Variants in MTUS1 observed in about 807,000 individuals in gnomAD.
MTUS1 encodes microtubule-associated tumor suppressor 1.
Under a neutral mutation model 120.8 loss-of-function variants are expected in MTUS1, and 109 were observed. The ratio of observed to expected loss-of-function variants is 0.90; its 90% CI spans 0.77 to 1.06. MTUS1 has a LOEUF of 1.06. Ranked by LOEUF, MTUS1 falls within the 50% of genes least tolerant of loss-of-function variation. The probability of loss-of-function intolerance (pLI) is 0.00; values close to 1 mark genes in which losing one functional copy is unlikely to be tolerated. For missense variants in MTUS1, 2,210 were observed against 1,486.3 expected, an observed-to-expected ratio of 1.49 and a Z score of -8.01; for synonymous variants, 737 against 550.5, an observed-to-expected ratio of 1.34 and a Z score of -4.74.
chr8:17,797,907 G>A (rs2052375471), intron 1 of MTUS1, among the ~76,000 whole-genome samples: 1 of 152,150 alleles, frequency 6.6e-6, no homozygotes, highest in Non-Finnish European at 1.5e-5. Flanking sequence ...CCAACTTTGA[G>A]ATATCAGGAA....
chr8:17,800,672 G>A (rs1308947279), intron 1 of MTUS1: 1 of 152,164 alleles, frequency 6.6e-6, no homozygotes, highest in African/African-American at 2.4e-5. Flanking sequence ...GCGCCACGAG[G>A]GGTCTTTGGG....
intron 2 of MTUS1, among the ~76,000 whole-genome samples, chr8:17,749,364 T>G (rs1468270241): frequency 6.6e-6 from 1 of 152,020 alleles, no homozygotes; most frequent in Non-Finnish European, 1.5e-5. Context: ...AACTGCCAAT[T>G]AGAAAATCTT....
At chr8:17,800,162 T>C (rs2131627373) in intron 1 of MTUS1, among the ~76,000 whole-genome samples, 1 of 152,240 alleles carries the variant, frequency 6.6e-6, no homozygotes, top group African/African-American at 2.4e-5. Flanking sequence ...CAGGAAGCAA[T>C]GACTCTCTTT....
chr8:17,746,761 A>G (rs1193247505), intron 2 of MTUS1, among the ~76,000 whole-genome samples: 1 of 152,222 alleles, frequency 6.6e-6, no homozygotes, highest in Admixed American at 6.5e-5. Flanking sequence ...ATACTATTCT[A>G]AATTCTAAGT....
intron 6 of MTUS1, among the ~76,000 whole-genome samples, chr8:17,704,993 AT>A (rs36043940): frequency 2.6e-5 from 4 of 151,462 alleles, no homozygotes; most frequent in Non-Finnish European, 5.9e-5. Context: ...TATTCTTTTT[AT>A]TTTTTTTGAG....
intron 1 of MTUS1, among the ~76,000 whole-genome samples, chr8:17,765,590 G>C (rs1389391826): frequency 2.2e-5 from 3 of 135,378 alleles, no homozygotes; most frequent in Admixed American, 8.3e-5. Context: ...CTGCACTCCA[G>C]CCTAGGAAAC....
chr8:17,725,669 A>T (rs75220534), intron 3 of MTUS1, among the ~76,000 whole-genome samples: 2,350 of 152,254 alleles, frequency 0.015, 29 homozygotes, highest in Non-Finnish European at 0.025. Context: ...TCATGACCCA[A>T]TCTAAAATTT....
intron 10 of MTUS1, 175 bp from the exon 11 acceptor site, chr8:17,653,673 G>A (rs942039486): frequency 1.1e-5 from 6 of 556,462 alleles, no homozygotes; most frequent in African/African-American, 9.8e-5. Flanking sequence ...GCCTTGAGAG[G>A]TGGTTAGGGT....
chr8:17,741,120 C>A (rs2047288285), intron 3 of MTUS1, among the ~76,000 whole-genome samples: 1 of 152,104 alleles, frequency 6.6e-6, no homozygotes, highest in South Asian at 2.1e-4. Flanking sequence ...CTCAGGTGAT[C>A]CACCTGCCTC....
chr8:17,731,241 A>G (rs1385630333), intron 3 of MTUS1, among the ~76,000 whole-genome samples: 1 of 152,164 alleles, frequency 6.6e-6, no homozygotes, highest in East Asian at 1.9e-4. Flanking sequence ...TACAGTAGTT[A>G]ATAGTTGACA....
chr8:17,696,460 C>G (rs1817986795), intron 6 of MTUS1, among the ~76,000 whole-genome samples: 1 of 152,166 alleles, frequency 6.6e-6, no homozygotes, highest in African/African-American at 2.4e-5. Context: ...TAACGCTATT[C>G]AGCCCAAAAC....
At position 17,697,801 on chromosome 8, in the gene MTUS1, G is replaced by A. The variant is rs564611643; in HGVS notation, c.2624-13259C>T. The A allele has an allele frequency of 1.4e-4, 116 of 851,792 alleles. 1 individual carries two copies. The East Asian group carries it at 6.7e-3, about 49-fold the overall frequency. 52.8% of individuals were successfully genotyped at this position (851,792 alleles called of 1,614,324 possible). ...GTAACCACTTGAAAGATCGCTAGGGGAAATTAACTACTTCAAGTGCCTAAT... is the reference window on the plus strand; with the variant it reads ...GTAACCACTTGAAAGATCGCTAGGGAAAATTAACTACTTCAAGTGCCTAAT... On this transcript the variant is annotated intron_variant, in intron 6 of 14. Transcript: ENST00000693296.
At chr8:17,758,789 T>C (rs1337115189) in intron 1 of MTUS1, among the ~76,000 whole-genome samples, 2 of 152,222 alleles carry the variant, frequency 1.3e-5, no homozygotes, top group Non-Finnish European at 1.5e-5. Context: ...ATTAATGGCA[T>C]TTTTATTACT....
intron 6 of MTUS1, chr8:17,697,634 C>G: frequency 8.1e-7 from 1 of 1,227,042 alleles, no homozygotes. Context: ...CTCCCTCCTG[C>G]AGGTCTAGAA....
Position 17,746,034 on chromosome 8 carries a change from G to C in MTUS1, c.2092-2235C>G, listed in dbSNP as rs953868073. Among the ~76,000 whole-genome samples, 5 of 152,306 alleles carry C rather than the reference G, an allele frequency of 3.3e-5. No individual in the cohort carries two copies. The South Asian group carries it at 1.0e-3, about 32-fold the overall frequency. ...TCCTCCTCCAGTCATACAAGACATT[G>C]CAGCCTTGCTTCCTGTACAGCCTGT... On this transcript the variant is annotated intron_variant, in intron 2 of 14. Coordinates refer to ENST00000693296, the MANE Select transcript of MTUS1 (RefSeq NM_001363059.2).
At chr8:17,664,052 C>T (rs1214275367) in intron 8 of MTUS1, 1 of 152,156 alleles carries the variant, frequency 6.6e-6, no homozygotes, top group Non-Finnish European at 1.5e-5. Context: ...CCATTGATTC[C>T]AGTGTGTTTG....
In MTUS1 at chr8:17,657,547, G is replaced by A. The variant is rs563637580; in HGVS notation, c.2906-1482C>T. On this transcript the variant is annotated intron_variant, in intron 8 of 14. Transcript: ENST00000693296. ...CCCGCCACTGCACTCCAGCCTGGGC[G>A]ACAGAGAGAGACTCCGTCTCAAAAA... Among the ~76,000 whole-genome samples, 65 of 149,794 alleles carry A rather than the reference G, an allele frequency of 4.3e-4. No individual in the cohort carries two copies. In the South Asian group the frequency reaches 6.1e-3, roughly 14 times the overall value.
rs192325056 is a variant in MTUS1 at position 17,684,443 on chromosome 8, T to C, written c.2723A>G (p.Tyr908Cys). ...ACTTTGGTTTTCACATTTTGTTTTA[T>C]ATTGCGTCAATTCAAGTGTTTTCTC... Reference protein sequence around the residue: ...PPEKTLELTQYKTKCENQSGF... With the variant: ...PPEKTLELTQCKTKCENQSGF... Residue 908 changes from tyrosine (Y) to cysteine (C), a missense_variant, in exon 7 of 15, where the codon TAT (tyrosine) becomes TGT (cysteine). By Grantham distance (194) the Tyr-to-Cys change is radical. Coordinates refer to ENST00000693296, the MANE Select transcript of MTUS1 (RefSeq NM_001363059.2). 1.8e-4 allele frequency: 288 copies of C among 1,614,204 alleles called. 2 individuals carry two copies. In the Middle Eastern group the frequency reaches 2.0e-3, roughly 11 times the overall value.
chr8:17,673,923 A>G (rs890186430), intron 8 of MTUS1, among the ~76,000 whole-genome samples: 6 of 152,210 alleles, frequency 3.9e-5, no homozygotes, highest in African/African-American at 1.4e-4. Flanking sequence ...GCTTCTCTGG[A>G]TGTTACCTTG....
Sources: allele counts gnomAD v4.1 joint callset (sites outside exome capture counted in the v4.1 genomes callset), GRCh38; gene constraint gnomAD v4.1.1; transcripts MANE v1.5; gene names NCBI Gene and HGNC (gene_info 2026-07-23, HGNC 2026-07-21).